The following ARHGAP23 variants were observed in gnomAD, a reference collection of about 807,000 sequenced individuals.
ARHGAP23 encodes Rho GTPase activating protein 23.
A neutral mutation model predicts 136.3 loss-of-function variants in ARHGAP23; 34 were observed. The observed-to-expected ratio is 0.25, with a 90% CI of 0.19 to 0.33. The LOEUF (loss-of-function observed/expected upper bound fraction) is 0.33. ARHGAP23 is among the 10% of genes least tolerant of loss of function. The probability of loss-of-function intolerance (pLI) is 1.00; values close to 1 mark genes in which losing one functional copy is unlikely to be tolerated. For synonymous variants in ARHGAP23, 832 were observed against 920.5 expected (o/e 0.90, Z 1.74); for missense variants, 1,808 against 2,139.0 (o/e 0.85, Z 3.05).
rs761012799 is a variant in ARHGAP23 at position 38,466,927 on chromosome 17, G to C, written c.1244G>C (p.Gly415Ala). 1.3e-6 allele frequency: 2 copies of C among 1,550,544 alleles called. No individual in the cohort carries two copies. Among genetic ancestry groups the C allele is most frequent in the South Asian group, 1.2e-5 (1 of 84,070 alleles). ...PSGLQGLDDLGYIGYRSYSPS... is the reference protein window; with the variant it reads ...PSGLQGLDDLAYIGYRSYSPS... ...GGCCTGCAGGGCCTGGATGACCTCG[G>C]GTACATCGGCTACCGGAGCTACAGC... Residue 415 changes from glycine (G) to alanine (A), a missense_variant, in exon 7 of 24, where the codon GGG becomes GCG. Gly to Ala is a moderately conservative substitution (Grantham distance 60). This residue lies in a region of ARHGAP23 where 859 missense variants were observed against 936.4 expected (regional missense o/e 0.92). Coordinates refer to ENST00000622683, the MANE Select transcript of ARHGAP23 (RefSeq NM_001199417.2).
At chr17:38,428,316 C>G (rs1597731285), upstream of ARHGAP23, 1 of 269,764 alleles carries the variant, frequency 3.7e-6, no homozygotes, top group East Asian at 7.7e-5. Flanking sequence ...GCCGCCGGGG[C>G]ACCCAGAAGG....
chr17:38,429,292 A>C (rs1198122280), intron 1 of ARHGAP23, among the ~76,000 whole-genome samples: 1 of 152,226 alleles, frequency 6.6e-6, no homozygotes, highest in Non-Finnish European at 1.5e-5. Flanking sequence ...GGGAGGGGCC[A>C]GCAGGGGCCT....
At chr17:38,473,103 ATTTT>A (rs59594005) in intron 11 of ARHGAP23, among the ~76,000 whole-genome samples, 1 of 129,962 alleles carries the variant, frequency 7.7e-6, no homozygotes, top group Non-Finnish European at 1.6e-5. Flanking sequence ...AACCCGGCTA[ATTTT>A]TTTTTTTTTT....
intron 1 of ARHGAP23, among the ~76,000 whole-genome samples, chr17:38,440,161 G>T (rs1353613629): frequency 1.3e-5 from 2 of 152,156 alleles, no homozygotes; most frequent in African/African-American, 4.8e-5. Flanking sequence ...TGGAACTATA[G>T]GCACGCACCA....
At chr17:38,504,236 G>A (rs574331207) in intron 23 of ARHGAP23, among the ~76,000 whole-genome samples, 18 of 152,336 alleles carry the variant, frequency 1.2e-4, no homozygotes, top group Middle Eastern at 3.4e-3. Context: ...TCTAAGAAAC[G>A]GAGGCACAGA....
Position 38,510,053 on chromosome 17 carries a change from G to T in ARHGAP23, c.3557G>T (p.Gly1186Val). 1 of 1,242,062 alleles carries T rather than the reference G, an allele frequency of 8.1e-7. No homozygotes were observed. Among genetic ancestry groups the T allele is most frequent in the Non-Finnish European group, 1.0e-6 (1 of 993,984 alleles). 76.9% of individuals were successfully genotyped at this position (1,242,062 alleles called of 1,614,324 possible). A position where few individuals can be genotyped will look rare whatever the true frequency, so the allele number is the denominator to read the frequency against. Residue 1186 changes from glycine to valine, a missense_variant, in exon 24 of 24, where the codon GGC becomes GTC. Around this residue, in one of 7 missense-constraint regions of ARHGAP23, gnomAD observed 104 missense variants for 131.8 expected, o/e 0.79. Transcript: ENST00000622683. The surrounding 1 kb of genome is among the most constrained non-coding windows in gnomAD (Gnocchi z 4.6). ...AAGCGGCGGGAGGCGCGGGGGCTGGGCAGCAGCACCGACGACGACTCGGAG... is the reference window on the plus strand; with the variant it reads ...AAGCGGCGGGAGGCGCGGGGGCTGGTCAGCAGCACCGACGACGACTCGGAG... ...RKKRREARGLGSSTDDDSEQE... is the reference protein window; with the variant it reads ...RKKRREARGLVSSTDDDSEQE...
At chr17:38,426,614 C>T (rs1010596131), upstream of ARHGAP23, among the ~76,000 whole-genome samples, 2 of 149,226 alleles carry the variant, frequency 1.3e-5, no homozygotes, top group African/African-American at 5.0e-5. Flanking sequence ...GCAGGAAGGA[C>T]TTTCCAGAAG....
rs756367863 is a variant in ARHGAP23 at position 38,469,901 on chromosome 17, C to T, written c.1971C>T (p.Asp657=). The change falls in exon 10 of 24, where the codon GAC becomes GAT. Residue 657 remains aspartate (D), a synonymous_variant. Transcript: ENST00000622683. ...SLRMLRSFFT[D]GSLDSWGTSE... is the part of the protein sequence containing the mutation. ...GGATGCTCCGGAGCTTCTTCACCGA[C>T]GGGGTGAGAGCTGCAAGTGTGTGTG... 50 of 1,551,670 alleles carry T rather than the reference C, an allele frequency of 3.2e-5. 1 individual carries two copies. In the Admixed American group the frequency reaches 7.5e-4, roughly 23 times the overall value.
chr17:38,458,355 C>G (rs2039380678), intron 2 of ARHGAP23, 92 bp downstream of exon 2: 2 of 1,411,878 alleles, frequency 1.4e-6, no homozygotes, highest in Non-Finnish European at 1.9e-6. Context: ...TCCTTTCACC[C>G]TCTCAGAGAG....
At chr17:38,434,994 C>T (rs1475124164) in intron 1 of ARHGAP23, among the ~76,000 whole-genome samples, 1 of 152,170 alleles carries the variant, frequency 6.6e-6, no homozygotes, top group African/African-American at 2.4e-5. Context: ...TGTATTGTTC[C>T]TGAAAAGGGA....
chr17:38,488,977 G>C (rs1479364494), intron 17 of ARHGAP23, among the ~76,000 whole-genome samples: 1 of 152,138 alleles, frequency 6.6e-6, no homozygotes, highest in Non-Finnish European at 1.5e-5. Context: ...CCGGGTTCAA[G>C]CCATTCTCCT....
intron 1 of ARHGAP23, among the ~76,000 whole-genome samples, chr17:38,453,422 CGTGTGTGTGTGTGTGTGT>C (rs1161809844): frequency 1.9e-4 from 22 of 116,588 alleles, no homozygotes; most frequent in Non-Finnish European, 3.5e-4. Context: ...CGTATGCGTG[CGTGTGTGTGTGTGTGTGT>C]GTGTGTGTGT....
chr17:38,446,852 C>A (rs1452286578), intron 1 of ARHGAP23, among the ~76,000 whole-genome samples: 3 of 151,982 alleles, frequency 2.0e-5, no homozygotes, highest in Non-Finnish European at 4.4e-5. Context: ...GTGGCCCAGG[C>A]TGAAGAGCAG....
At chr17:38,437,414 A>G (rs1310417001) in intron 1 of ARHGAP23, among the ~76,000 whole-genome samples, 1 of 152,030 alleles carries the variant, frequency 6.6e-6, no homozygotes, top group African/African-American at 2.4e-5. Context: ...GCATGAACCA[A>G]AGATCAATTT....
intron 17 of ARHGAP23, among the ~76,000 whole-genome samples, chr17:38,488,877 ATTTTATTTAT>A (rs1474922497): frequency 4.0e-5 from 6 of 148,914 alleles, no homozygotes; most frequent in African/African-American, 1.5e-4. Flanking sequence ...TTTTTATTTA[ATTTTATTTAT>A]TTTCTTGAGA....
Position 38,466,505 on chromosome 17 carries a change from C to A in ARHGAP23, c.822C>A (p.Gly274=). The stretch of plus-strand genomic sequence containing the variant: ...CGCCCCGTGCCTTCCCAGAGCCTGG[C>A]AGCCGGGTGCCCCCCAGCAGACTGG... ...PRTPRAFPEP[G]SRVPPSRLEC... Residue 274 remains glycine (G), a synonymous_variant, in exon 7 of 24, where the codon GGC becomes GGA. Transcript: ENST00000622683. 2 of 1,487,826 alleles carry A rather than the reference C, an allele frequency of 1.3e-6. No homozygotes were observed. Among genetic ancestry groups the A allele is most frequent in the South Asian group, 1.3e-5 (1 of 76,312 alleles). 92.2% of individuals were successfully genotyped at this position (1,487,826 alleles called of 1,614,324 possible). A position where few individuals can be genotyped will look rare whatever the true frequency, so the allele number is the denominator to read the frequency against.
chr17:38,486,053 C>T lies in ARHGAP23; in HGVS notation c.2908-9C>T. 1 of 1,550,742 alleles carries T rather than the reference C, an allele frequency of 6.4e-7. No homozygotes were observed. Among genetic ancestry groups the T allele is most frequent in the Non-Finnish European group, 8.7e-7 (1 of 1,146,722 alleles). ...CCTGCCTGTGCCTGACATCTGACCC[C>T]TCCCCCAGCGCTGGCAAGACCTCAA... On this transcript the variant is annotated splice_polypyrimidine_tract_variant and intron_variant, in intron 16 of 23. Transcript: ENST00000622683.
chr17:38,462,837 GC>G lies in ARHGAP23; in HGVS notation c.254-6del, dbSNP rs1461901506. The G allele has an allele frequency of 1.3e-6, 2 of 1,494,184 alleles. No individual in the cohort carries two copies. Among genetic ancestry groups the G allele is most frequent in the Non-Finnish European group, 1.8e-6 (2 of 1,122,258 alleles). 92.6% of individuals were successfully genotyped at this position (1,494,184 alleles called of 1,614,324 possible). A position where few individuals can be genotyped will look rare whatever the true frequency, so the allele number is the denominator to read the frequency against. On this transcript the variant is annotated splice_polypyrimidine_tract_variant and splice_region_variant and intron_variant, in intron 3 of 23. Coordinates refer to ENST00000622683, the MANE Select transcript of ARHGAP23 (RefSeq NM_001199417.2). ...GCCACCCCCAGCTAACCTGGCTGAT[GC>G]CCACTAGGACCCTCCCCCCGGTACC...
intron 16 of ARHGAP23, among the ~76,000 whole-genome samples, chr17:38,483,884 C>A (rs2040103346): frequency 6.6e-6 from 1 of 152,206 alleles, no homozygotes; most frequent in East Asian, 1.9e-4. Context: ...CCAGCAAGGG[C>A]CGGGGAGGGC....
Sources: allele counts gnomAD v4.1 joint callset (sites outside exome capture counted in the v4.1 genomes callset), GRCh38; gene constraint gnomAD v4.1.1; regional missense constraint gnomAD v4.1.1; non-coding constraint Gnocchi (gnomAD v3.1); transcripts MANE v1.5; gene names NCBI Gene and HGNC (gene_info 2026-07-23, HGNC 2026-07-21).